The following PAX6 variants were observed in gnomAD, a reference collection of about 807,000 sequenced individuals.
The protein encoded by PAX6 is paired box protein Pax-6.
PAX6 carries 7 observed loss-of-function variants against 60.7 expected under a neutral mutation model. The ratio of observed to expected loss-of-function variants is 0.12; its 90% CI spans 0.07 to 0.22. The LOEUF (loss-of-function observed/expected upper bound fraction) is 0.22. PAX6 is among the 10% of genes least tolerant of loss of function. The pLI is 1.00. For missense variants in PAX6, 355 were observed against 555.2 expected, an observed-to-expected ratio of 0.64 and a Z score of 3.62; for synonymous variants, 208 against 201.2, an observed-to-expected ratio of 1.03 and a Z score of -0.29.
intron 12 of PAX6, 33 bp from the exon 13 acceptor site, chr11:31,790,893 A>T: frequency 6.2e-7 from 1 of 1,610,434 alleles, no homozygotes; most frequent in Non-Finnish European, 8.5e-7. Flanking sequence ...GTGGTTACTG[A>T]GGAACACATC....
At chr11:31,802,053 CT>C (rs202204811) in intron 5 of PAX6, 141 bp from the exon 6 acceptor site, 199 of 745,590 alleles carry the variant, frequency 2.7e-4, no homozygotes, top group Middle Eastern at 7.7e-4. Flanking sequence ...AATTTAAAAG[CT>C]TTTTTTAAAA....
At chr11:31,815,342 AG>A (rs1013498248), upstream of PAX6, among the ~76,000 whole-genome samples, 1 of 152,112 alleles carries the variant, frequency 6.6e-6, no homozygotes, top group Non-Finnish European at 1.5e-5. Context: ...AAGAGGCAAG[AG>A]TTCAGCTTCA....
upstream of PAX6, chr11:31,814,596 A>C (rs1306426129): frequency 6.6e-6 from 1 of 152,288 alleles, no homozygotes; most frequent in Non-Finnish European, 1.5e-5. Flanking sequence ...GTCACTTTGT[A>C]GTGCCCCAAA....
Position 31,794,761 on chromosome 11 carries a change from C to A in PAX6, c.593G>T (p.Gly198Val), listed in dbSNP as rs1251012992. ...GGAACTGATGGAGTTGGTATTCTCTCCCCCTCCTTCCTGTTGCTGGCAGCC... is the reference window on the plus strand; with the variant it reads ...GGAACTGATGGAGTTGGTATTCTCTACCCCTCCTTCCTGTTGCTGGCAGCC... ...QDGCQQQEGG[G>V]ENTNSISSNG... The change falls in exon 9 of 14, where the codon GGA becomes GTA. Residue 198 changes from glycine to valine, a missense_variant. Coordinates refer to ENST00000640368, the MANE Select transcript of PAX6 (RefSeq NM_001368894.2). 6.2e-7 allele frequency: 1 copy of A among 1,614,088 alleles called. No individual in the cohort carries two copies.
intron 12 of PAX6, 180 bp from the exon 13 acceptor site, chr11:31,791,040 GC>G (rs1255816056): frequency 8.2e-6 from 6 of 732,358 alleles, no homozygotes; most frequent in Non-Finnish European, 1.2e-5. Flanking sequence ...CCTTCCACTG[GC>G]CACAGCTAGA....
chr11:31,794,223 A>G (rs543430604), intron 9 of PAX6, 109 bp from the exon 10 acceptor site: 5 of 806,300 alleles, frequency 6.2e-6, no homozygotes, highest in South Asian at 4.0e-5. Flanking sequence ...ACCTCCAACC[A>G]ATTCCCTTTA....
intron 12 of PAX6, 106 bp downstream of exon 12, chr11:31,793,331 GA>G (rs1365622977): frequency 2.6e-5 from 24 of 921,812 alleles, no homozygotes; most frequent in African/African-American, 4.9e-5. Context: ...ACTGTAGTGC[GA>G]AAAGCTCTCA....
intron 2 of PAX6, chr11:31,808,489 G>C (rs1956366012): frequency 6.6e-6 from 1 of 152,238 alleles, no homozygotes; most frequent in African/African-American, 2.4e-5. Context: ...AACAAATGCA[G>C]GACCCTGAAG....
At chr11:31,797,574 C>T (rs1377193612) in intron 8 of PAX6, among the ~76,000 whole-genome samples, 1 of 150,526 alleles carries the variant, frequency 6.6e-6, no homozygotes, top group African/African-American at 2.5e-5. Flanking sequence ...AGAAACCTGT[C>T]GCTGCAGGAT....
chr11:31,802,072 T>A (rs578229765), intron 5 of PAX6, 160 bp from the exon 6 acceptor site: 1 of 678,154 alleles, frequency 1.5e-6, no homozygotes, highest in African/African-American at 1.8e-5. Flanking sequence ...AAAAAAAAAC[T>A]TTTCTTAAAC....
intron 12 of PAX6, chr11:31,792,646 A>T (rs1950283879): frequency 6.5e-6 from 1 of 153,114 alleles, no homozygotes; most frequent in African/African-American, 2.4e-5. Flanking sequence ...ATCCAGCAAC[A>T]AAGGTCTAGT....
intron 7 of PAX6, chr11:31,801,237 A>G (rs1953728800): frequency 4.4e-6 from 6 of 1,363,748 alleles, no homozygotes; most frequent in African/African-American, 1.5e-5. Flanking sequence ...CACCTGAAGG[A>G]AAGTTCTGGC....
chr11:31,813,392 G>T (rs1023858350), upstream of PAX6, among the ~76,000 whole-genome samples: 7 of 103,722 alleles, frequency 6.7e-5, no homozygotes, highest in African/African-American at 2.1e-4. Flanking sequence ...GGGGGGGCGG[G>T]GGGGGGGGAA....
At position 31,794,027 on chromosome 11, in the gene PAX6, G is replaced by A. The variant is rs376564909; in HGVS notation, c.807+5C>T. 312 of 1,584,614 alleles carry A rather than the reference G, an allele frequency of 2.0e-4. No individual in the cohort carries two copies. The highest frequency in any genetic ancestry group is 2.6e-4 in the Non-Finnish European group (295 of 1,153,270). The stretch of plus-strand genomic sequence containing the variant: ...AAAGTGTGAAACTGCACAGTCTCTC[G>A]GTACCTGTATTCTTGCTTCAGGTAG... On this transcript the variant is annotated splice_donor_5th_base_variant and intron_variant, in intron 10 of 13. Coordinates refer to ENST00000640368, the MANE Select transcript of PAX6 (RefSeq NM_001368894.2).
chr11:31,816,176 G>C (rs1357159018), upstream of PAX6: 2 of 161,834 alleles, frequency 1.2e-5, no homozygotes, highest in Non-Finnish European at 2.7e-5. Flanking sequence ...TCCGCCTCGC[G>C]CGCGCTGCCC....
intron 7 of PAX6, chr11:31,801,251 T>C (rs1592537683): frequency 7.3e-7 from 1 of 1,373,888 alleles, no homozygotes; most frequent in African/African-American, 1.5e-5. Context: ...TTCTGGCAGG[T>C]GGATTAGGAC....
At chr11:31,793,337 C>T in intron 12 of PAX6, 101 bp downstream of exon 12, 1 of 964,964 alleles carries the variant, frequency 1.0e-6, no homozygotes, top group East Asian at 2.4e-5. Context: ...GTGCGAAAAG[C>T]TCTCAAGGGT....
At chr11:31,799,351 G>T (rs1952792882) in intron 8 of PAX6, among the ~76,000 whole-genome samples, 1 of 152,096 alleles carries the variant, frequency 6.6e-6, no homozygotes. Flanking sequence ...CGGCCGAGCG[G>T]CCGCGCTGGG....
At chr11:31,792,058 G>C (rs1950129318) in intron 12 of PAX6, 1 of 152,144 alleles carries the variant, frequency 6.6e-6, no homozygotes, top group Non-Finnish European at 1.5e-5. Context: ...TACACATTTT[G>C]CTATCTTCAC....
Sources: allele counts gnomAD v4.1 joint callset (sites outside exome capture counted in the v4.1 genomes callset), GRCh38; gene constraint gnomAD v4.1.1; transcripts MANE v1.5; gene names NCBI Gene and HGNC (gene_info 2026-07-23, HGNC 2026-07-21).